MYH11: variants seen among roughly 807,000 people sequenced by gnomAD.
MYH11 encodes the protein myosin heavy chain 11.
MYH11 carries 80 observed loss-of-function variants against 246.6 expected under a neutral mutation model. That is an observed-to-expected ratio of 0.32 (90% CI 0.27 to 0.39). MYH11 has a LOEUF of 0.39. Among genes scored for constraint, MYH11 ranks in the 10% least tolerant of loss-of-function variants. The pLI, the probability that MYH11 is intolerant of heterozygous loss-of-function variation, is 1.00. For synonymous variants in MYH11, 1,071 were observed against 1,015.5 expected (o/e 1.05, Z -1.04); for missense variants, 2,158 against 2,546.8 (o/e 0.85, Z 3.29).
At chr16:15,742,096 TA>T in intron 20 of MYH11, 3 of 713,530 alleles carry the variant, frequency 4.2e-6, no homozygotes, top group Non-Finnish European at 7.3e-6. Context: ...GGGATACTGC[TA>T]AACACCCTAC....
intron 5 of MYH11, chr16:15,782,683 C>A: frequency 1.8e-6 from 1 of 565,454 alleles, no homozygotes; most frequent in East Asian, 3.1e-5. Context: ...ATAGCTAGGA[C>A]ATCTGCTCCC....
At chr16:15,735,223 T>A in intron 26 of MYH11, 143 bp downstream of exon 26, 1 of 846,472 alleles carries the variant, frequency 1.2e-6, no homozygotes, top group Non-Finnish European at 1.9e-6. Flanking sequence ...CCAACCATGC[T>A]TCTATAAGTT....
chr16:15,721,640 A>G lies in MYH11; in HGVS notation c.4366-6T>C, dbSNP rs763623128. ...TTTTTCTCCTCGGCTAACAACTACA[A>G]CACAAGACCCAGAGGTGACTTCTAG... On this transcript the variant is annotated splice_region_variant and splice_polypyrimidine_tract_variant and intron_variant, in intron 31 of 40. Transcript: ENST00000300036. 2 of 1,614,074 alleles carry G rather than the reference A, an allele frequency of 1.2e-6. No individual in the cohort carries two copies. Among genetic ancestry groups the G allele is most frequent in the African/African-American group, 2.7e-5 (2 of 75,028 alleles).
intron 3 of MYH11, among the ~76,000 whole-genome samples, chr16:15,812,390 A>T (rs747866678): frequency 1.7e-4 from 26 of 151,902 alleles, no homozygotes; most frequent in Non-Finnish European, 3.1e-4. Flanking sequence ...TTGCCATTTC[A>T]TAAGCACCAC....
At chr16:15,850,421 A>AGAGCCCAGAGAGTAC (rs1195050566) in intron 1 of MYH11, among the ~76,000 whole-genome samples, 14 of 152,226 alleles carry the variant, frequency 9.2e-5, no homozygotes, top group Non-Finnish European at 1.3e-4. Flanking sequence ...TAAATATCCC[A>AGAGCCCAGAGAGTAC]GAGCCCAGAG....
chr16:15,714,718 G>T, intron 40 of MYH11, 191 bp downstream of exon 40: 1 of 713,496 alleles, frequency 1.4e-6, no homozygotes, highest in African/African-American at 1.8e-5. Context: ...TACCAGGCAA[G>T]GCAGGGCCCG....
In MYH11 at chr16:15,720,875, C is replaced by T; in HGVS notation, c.4755G>A (p.Glu1585=). 1.2e-6 allele frequency: 2 copies of T among 1,614,002 alleles called. No homozygotes were observed. The highest frequency in any genetic ancestry group is 1.7e-6 in the Non-Finnish European group (2 of 1,180,042). Residue 1585 remains glutamate, a synonymous_variant, in exon 33 of 41, where the codon GAG becomes GAA. Coordinates refer to ENST00000300036, the MANE Select transcript of MYH11 (RefSeq NM_002474.3). The stretch of plus-strand genomic sequence containing the variant: ...GTTGCCTCCTCTTCTCCTCATTCTG[C>T]TCGTCCCGGGCTTGGAGATCCCTTT... ...QFERDLQARD[E]QNEEKRRQLQ...
intron 3 of MYH11, among the ~76,000 whole-genome samples, chr16:15,808,241 G>A (rs958070509): frequency 5.3e-5 from 8 of 152,120 alleles, no homozygotes; most frequent in Non-Finnish European, 7.3e-5. Context: ...GTGGGTCCTC[G>A]GCAGCTGACT....
At chr16:15,739,391 G>A (rs761757148) in intron 23 of MYH11, among the ~76,000 whole-genome samples, 24 of 152,028 alleles carry the variant, frequency 1.6e-4, no homozygotes, top group Non-Finnish European at 2.6e-4. Flanking sequence ...ATGAGCCACC[G>A]CACCCGGCCT....
chr16:15,761,325 C>T (rs1282351922), intron 10 of MYH11, among the ~76,000 whole-genome samples: 1 of 152,166 alleles, frequency 6.6e-6, no homozygotes, highest in Non-Finnish European at 1.5e-5. Flanking sequence ...GTTGCCCAGG[C>T]TGGTCTCGAA....
chr16:15,729,959 T>G (rs953409620), intron 27 of MYH11, among the ~76,000 whole-genome samples: 34 of 152,134 alleles, frequency 2.2e-4, no homozygotes, highest in African/African-American at 8.2e-4. Context: ...GTGCTGGGAT[T>G]ATAAGCATGA....
intron 10 of MYH11, 36 bp downstream of exon 10, chr16:15,763,760 C>CCCCCCACAA: frequency 8.4e-7 from 1 of 1,192,088 alleles, no homozygotes; most frequent in Non-Finnish European, 1.3e-6. Context: ...CCCCCAACCC[C>CCCCCCACAA]AAAGTCATTG....
At chr16:15,706,820 C>T (rs183967680) in intron 40 of MYH11, among the ~76,000 whole-genome samples, 1 of 152,328 alleles carries the variant, frequency 6.6e-6, no homozygotes, top group South Asian at 2.1e-4. Flanking sequence ...ACTGGAAAAG[C>T]TTAATGGATA....
At chr16:15,833,574 C>T (rs532026095) in intron 2 of MYH11, among the ~76,000 whole-genome samples, 6 of 152,286 alleles carry the variant, frequency 3.9e-5, no homozygotes, top group African/African-American at 1.4e-4. Flanking sequence ...TTGCTGAGCC[C>T]AGAACCTGCA....
At chr16:15,713,670 T>A (rs1429676386) in intron 40 of MYH11, 1 of 152,088 alleles carries the variant, frequency 6.6e-6, no homozygotes, top group Middle Eastern at 3.2e-3. Context: ...TGATTTTTGT[T>A]TGTTTGTTGT....
intron 31 of MYH11, among the ~76,000 whole-genome samples, chr16:15,722,676 G>A (rs905340816): frequency 7.9e-5 from 12 of 152,228 alleles, no homozygotes; most frequent in East Asian, 3.9e-4. Context: ...CCTGACACTA[G>A]GAGGTCAGTC....
At chr16:15,714,462 C>G (rs1241496969) in intron 40 of MYH11, 1 of 224,020 alleles carries the variant, frequency 4.5e-6, no homozygotes, top group Non-Finnish European at 9.0e-6. Flanking sequence ...CGGACAGCCC[C>G]CATACCCGAG....
intron 9 of MYH11, among the ~76,000 whole-genome samples, chr16:15,766,406 T>A (rs1011733473): frequency 1.3e-4 from 20 of 150,798 alleles, no homozygotes; most frequent in African/African-American, 3.7e-4. Context: ...AGTCTTGCTG[T>A]CACCCAGGTT....
chr16:15,733,802 C>A (rs1362065731), intron 26 of MYH11, among the ~76,000 whole-genome samples: 1 of 152,188 alleles, frequency 6.6e-6, no homozygotes, highest in African/African-American at 2.4e-5. Context: ...TTCAGCCTCC[C>A]AAAGTGCTGG....
Sources: gnomAD v4.1 joint callset for allele counts (sites outside exome capture counted in the v4.1 genomes callset) on GRCh38, gnomAD v4.1.1 for gene constraint, MANE v1.5 for transcripts, NCBI Gene and HGNC (gene_info 2026-07-23, HGNC 2026-07-21) for gene names.